The following RGS22 variants were observed in gnomAD, a reference collection of about 807,000 sequenced individuals.
RGS22 encodes the protein regulator of G protein signaling 22, also known as regulator of G-protein signaling 22.
RGS22 carries 148 observed loss-of-function variants against 172.9 expected under a neutral mutation model. The observed-to-expected ratio is 0.86, with a 90% CI of 0.75 to 0.98. The LOEUF is 0.98. Among genes scored for constraint, RGS22 ranks in the 50% least tolerant of loss-of-function variants. RGS22 has a pLI of 0.00. For missense variants in RGS22, 1,347 were observed against 1,440.8 expected (o/e 0.93, Z 1.05); for synonymous variants, 458 against 480.2 (o/e 0.95, Z 0.60).
At chr8:100,004,156 T>A in intron 16 of RGS22, 58 bp from the exon 17 acceptor site, 1 of 1,468,428 alleles carries the variant, frequency 6.8e-7, no homozygotes, top group Non-Finnish European at 9.0e-7. Context: ...TGTTTACAAT[T>A]TTAAGTAGAG....
At chr8:100,100,103 C>T (rs1251029631) in intron 2 of RGS22, among the ~76,000 whole-genome samples, 6 of 152,080 alleles carry the variant, frequency 3.9e-5, no homozygotes. Context: ...TTCCAGGACC[C>T]CCCACAGACA....
intron 23 of RGS22, among the ~76,000 whole-genome samples, chr8:99,975,585 A>G (rs1811839562): frequency 6.6e-6 from 1 of 151,454 alleles, no homozygotes; most frequent in Non-Finnish European, 1.5e-5. Flanking sequence ...GTGTATTGCC[A>G]TTAAAATAAT....
intron 20 of RGS22, 146 bp downstream of exon 20, chr8:99,996,316 T>G: frequency 1.6e-6 from 1 of 631,050 alleles, no homozygotes; most frequent in Non-Finnish European, 2.8e-6. Context: ...ATTCCATTCA[T>G]CAATTAAAAA....
intron 11 of RGS22, among the ~76,000 whole-genome samples, chr8:100,042,324 TAGTG>T (rs1214349926): frequency 6.6e-6 from 1 of 152,022 alleles, no homozygotes; most frequent in Admixed American, 6.6e-5. Flanking sequence ...GATAGGAAAA[TAGTG>T]AGCAATAAAT....
intron 9 of RGS22, among the ~76,000 whole-genome samples, chr8:100,058,426 C>G: frequency 6.6e-6 from 1 of 151,984 alleles, no homozygotes; most frequent in Non-Finnish European, 1.5e-5. Flanking sequence ...TCCCAAAGGT[C>G]AAAGATAAAG....
chr8:99,993,830 C>G (rs930261025), intron 20 of RGS22, among the ~76,000 whole-genome samples: 28 of 152,248 alleles, frequency 1.8e-4, no homozygotes, highest in African/African-American at 6.0e-4. Context: ...AATTTTAGAC[C>G]AATATCCCCG....
At chr8:100,073,398 A>T (rs1001577344) in intron 4 of RGS22, among the ~76,000 whole-genome samples, 1 of 150,774 alleles carries the variant, frequency 6.6e-6, no homozygotes, top group Non-Finnish European at 1.5e-5. Flanking sequence ...GGAACATAAA[A>T]TAGTTTCCTT....
At chr8:100,010,401 G>A (rs1816246455) in intron 14 of RGS22, among the ~76,000 whole-genome samples, 2 of 152,048 alleles carry the variant, frequency 1.3e-5, no homozygotes, top group Non-Finnish European at 2.9e-5. Context: ...CATGAAAATC[G>A]CTTGAACCCA....
At chr8:100,065,617 T>A (rs1209132768) in intron 7 of RGS22, among the ~76,000 whole-genome samples, 2 of 152,194 alleles carry the variant, frequency 1.3e-5, no homozygotes, top group African/African-American at 4.8e-5. Context: ...GAAGATTCCT[T>A]TTATTTTTAT....
chr8:100,013,391 G>A (rs758166095), intron 14 of RGS22, among the ~76,000 whole-genome samples: 81 of 152,080 alleles, frequency 5.3e-4, no homozygotes, highest in Non-Finnish European at 1.6e-4. Context: ...GTCAGCCTTT[G>A]GTGGATGCCT....
chr8:99,964,582 T>G (rs1810536505), intron 24 of RGS22, among the ~76,000 whole-genome samples: 4 of 151,990 alleles, frequency 2.6e-5, no homozygotes, highest in Admixed American at 2.6e-4. Flanking sequence ...TAAAATTTAA[T>G]GCTAGTCATT....
Position 100,066,956 on chromosome 8 carries a change from T to A in RGS22, c.595-660A>T, listed in dbSNP as rs1353227473. Among the ~76,000 whole-genome samples the A allele has an allele frequency of 2.0e-5, 3 of 152,198 alleles. No homozygotes were observed. In the East Asian group the frequency reaches 5.8e-4, roughly 29 times the overall value. ...TTCAATTCTGAAGTTGATCCTTAGC[T>A]TCTAGAACCCCAGCCCTAAGAAGCT... On this transcript the variant is annotated intron_variant, in intron 6 of 27. Coordinates refer to ENST00000360863, the MANE Select transcript of RGS22 (RefSeq NM_015668.5).
intron 10 of RGS22, among the ~76,000 whole-genome samples, chr8:100,049,350 T>C (rs1368103851): frequency 6.6e-6 from 1 of 152,170 alleles, no homozygotes; most frequent in Non-Finnish European, 1.5e-5. Context: ...GCTCTATTCC[T>C]TAGAGTATTT....
chr8:99,995,335 C>T (rs564606242), intron 20 of RGS22, among the ~76,000 whole-genome samples: 2 of 152,176 alleles, frequency 1.3e-5, no homozygotes, highest in South Asian at 2.1e-4. Context: ...AGGCAACCTA[C>T]AAAATGGGAG....
At chr8:100,053,566 G>A (rs1397984534) in intron 9 of RGS22, among the ~76,000 whole-genome samples, 3 of 152,128 alleles carry the variant, frequency 2.0e-5, no homozygotes, top group Admixed American at 6.6e-5. Context: ...AAATGTACTT[G>A]GGATAATTTT....
Position 100,008,426 on chromosome 8 carries a change from AAGG to A in RGS22, c.2307_2309del (p.Leu771del), listed in dbSNP as rs776302295. The A allele has an allele frequency of 8.1e-6, 13 of 1,612,966 alleles. No individual in the cohort carries two copies. The highest frequency in any genetic ancestry group is 6.7e-5 in the Admixed American group (4 of 59,728). On this transcript the variant is annotated inframe_deletion, in exon 15 of 28. Coordinates refer to ENST00000360863, the MANE Select transcript of RGS22 (RefSeq NM_015668.5). ...TTACCATCTTTGTCCATGGCTCAAG[AAGG>A]AGGAGAAGGATATATTCCTCTGCTG...
intron 21 of RGS22, among the ~76,000 whole-genome samples, chr8:99,986,269 A>G (rs1813090283): frequency 6.6e-6 from 1 of 152,190 alleles, no homozygotes; most frequent in Non-Finnish European, 1.5e-5. Context: ...CTCAGCTGAG[A>G]ATAGTACAAA....
intron 16 of RGS22, among the ~76,000 whole-genome samples, chr8:100,004,380 AT>A (rs1815451901): frequency 6.6e-6 from 1 of 152,068 alleles, no homozygotes; most frequent in African/African-American, 2.4e-5. Flanking sequence ...ACTTTGATAT[AT>A]TTTTCTAAGT....
intron 11 of RGS22, among the ~76,000 whole-genome samples, chr8:100,043,069 T>A (rs1184970185): frequency 3.9e-5 from 6 of 152,206 alleles, no homozygotes; most frequent in African/African-American, 1.4e-4. Context: ...CAGGCCCTAA[T>A]CTTTCTGATC....
Sources: allele counts gnomAD v4.1 joint callset (sites outside exome capture counted in the v4.1 genomes callset), GRCh38; gene constraint gnomAD v4.1.1; transcripts MANE v1.5; gene names NCBI Gene and HGNC (gene_info 2026-07-23, HGNC 2026-07-21).